The following TOR2A variants were observed in gnomAD, a reference collection of about 807,000 sequenced individuals.
TOR2A encodes the protein torsin family 2 member A, also known as prosalusin.
In TOR2A, 24 loss-of-function variants were observed where a neutral mutation model predicts 28.6. The ratio of observed to expected loss-of-function variants is 0.84; its 90% confidence interval spans 0.61 to 1.18. The LOEUF is 1.18. TOR2A is among the 50% of genes most tolerant of loss of function. The pLI, the probability that TOR2A is intolerant of heterozygous loss-of-function variation, is 0.00. For missense variants in TOR2A, 426 were observed against 448.1 expected (o/e 0.95, Z 0.45); for synonymous variants, 203 against 203.1 (o/e 1.00, Z 0.00).
At chr9:127,733,274 C>T (rs1844540703) in intron 3 of TOR2A, 111 bp downstream of exon 3, 4 of 1,613,164 alleles carry the variant, frequency 2.5e-6, no homozygotes, top group Non-Finnish European at 3.4e-6. Flanking sequence ...TGGGAAAGCC[C>T]AGCTAAGCCC....
chr9:127,735,033 G>C (rs1844628175), intron 1 of TOR2A, 87 bp downstream of exon 1: 1 of 1,352,488 alleles, frequency 7.4e-7, no homozygotes, highest in Non-Finnish European at 9.5e-7. Flanking sequence ...TTCTCTGGCC[G>C]GCGCCAGCCG....
chr9:127,733,052 TGA>T, intron 3 of TOR2A: 1 of 1,429,326 alleles, frequency 7.0e-7, no homozygotes, highest in Non-Finnish European at 9.1e-7. Context: ...GCGAGGATTC[TGA>T]GAGCTGGGAC....
intron 3 of TOR2A, chr9:127,733,078 C>G: frequency 1.4e-6 from 2 of 1,468,984 alleles, no homozygotes; most frequent in South Asian, 1.4e-5. Context: ...AGGACAAGAA[C>G]TCTGTTCCTA....
At chr9:127,733,202 T>C (rs764968165) in intron 3 of TOR2A, 183 bp downstream of exon 3, 2 of 1,588,602 alleles carry the variant, frequency 1.3e-6, no homozygotes, top group African/African-American at 2.7e-5. Context: ...TTGCTGAGAA[T>C]GTCCAAAGGG....
In TOR2A at chr9:127,732,205, C is replaced by G; in HGVS notation, c.795G>C (p.Arg265=). ...TGAGCACGCAGTGCCGGACGTGGTG[C>G]CGCTGGAGCGGGAGGAAGGGCACCA... ...DAVVPFLPLQ[R]HHVRHCVLNE... Residue 265 remains arginine (R), a synonymous_variant, in exon 5 of 5, where the codon CGG becomes CGC. Coordinates refer to ENST00000373284, the MANE Select transcript of TOR2A (RefSeq NM_001085347.3). 1 of 1,612,180 alleles carries G rather than the reference C, an allele frequency of 6.2e-7. No homozygotes were observed. Among genetic ancestry groups the G allele is most frequent in the South Asian group, 1.1e-5 (1 of 91,018 alleles).
Position 127,734,546 on chromosome 9 carries a change from G to T in TOR2A, c.170C>A (p.Ala57Asp), listed in dbSNP as rs1294675201. ...CAGATGCTGGCCGGCCAGGTGCTGA[G>T]CCAGGTCACACTCCAGACCTAGGGC... is the stretch of plus-strand genomic sequence containing the variant. Reference protein sequence around the residue: ...PDLPGLECDLAQHLAGQHLAK... With the variant: ...PDLPGLECDLDQHLAGQHLAK... The change falls in exon 2 of 5, where the codon GCT becomes GAT. Residue 57 changes from alanine (A) to aspartate (D), a missense_variant. Coordinates refer to ENST00000373284, the MANE Select transcript of TOR2A (RefSeq NM_001085347.3). The T allele has an allele frequency of 6.5e-7, 1 of 1,527,910 alleles. No individual in the cohort carries two copies. Among genetic ancestry groups the T allele is most frequent in the Non-Finnish European group, 8.8e-7 (1 of 1,137,660 alleles). 94.6% of individuals were successfully genotyped at this position (1,527,910 alleles called of 1,614,324 possible).
At chr9:127,732,386 C>T in intron 4 of TOR2A, 108 bp from the exon 5 acceptor site, 2 of 1,471,560 alleles carry the variant, frequency 1.4e-6, no homozygotes, top group Non-Finnish European at 1.8e-6. Context: ...GTTCCCTCAG[C>T]CGCCTTCTGG....
chr9:127,734,592 A>C, intron 1 of TOR2A, 28 bp from the exon 2 acceptor site: 1 of 1,474,350 alleles, frequency 6.8e-7, no homozygotes, highest in Non-Finnish European at 9.0e-7. Flanking sequence ...TGGTGAGGAC[A>C]CATCCCACCG....
At position 127,735,158 on chromosome 9, in the gene TOR2A, C is replaced by T; in HGVS notation, c.113G>A (p.Gly38Asp). The stretch of plus-strand genomic sequence containing the variant: ...CCGGAAGTCGCATTCGCAAAAGGCG[C>T]CCAAGGTGCAGCGCAGGGAAGCCAG... ...WDLASLRCTL[G>D]AFCECDFRPD... is the part of the protein sequence containing the mutation. The change falls in exon 1 of 5, where the codon GGC becomes GAC. Residue 38 changes from glycine to aspartate, a missense_variant. Physicochemically the swap from Gly to Asp is moderately conservative, Grantham distance 94 (BLOSUM62 -1). Coordinates refer to ENST00000373284, the MANE Select transcript of TOR2A (RefSeq NM_001085347.3). The T allele has an allele frequency of 3.4e-6, 5 of 1,486,696 alleles. No individual in the cohort carries two copies. Among genetic ancestry groups the T allele is most frequent in the Non-Finnish European group, 4.4e-6 (5 of 1,126,308 alleles). The allele number at this position is 1,486,696 out of a possible 1,614,324, so 92.1% of individuals were successfully genotyped here.
At chr9:127,733,991 C>G (rs1844579395) in intron 2 of TOR2A, 4 of 428,324 alleles carry the variant, frequency 9.3e-6, no homozygotes, top group Non-Finnish European at 1.2e-5. Context: ...TCCAGCAAGA[C>G]AACAGTGCAG....
chr9:127,732,836 C>T (rs1214632740), intron 3 of TOR2A, 145 bp from the exon 4 acceptor site: 3 of 1,441,908 alleles, frequency 2.1e-6, no homozygotes, highest in Non-Finnish European at 2.7e-6. Context: ...CTCCACTTCC[C>T]CCTCCATGGT....
At chr9:127,734,990 C>G (rs889297685) in intron 1 of TOR2A, 130 bp downstream of exon 1, 17 of 1,284,282 alleles carry the variant, frequency 1.3e-5, no homozygotes, top group Non-Finnish European at 1.7e-5. Flanking sequence ...TCTGCGGGCC[C>G]CGCCCCTCGG....
At chr9:127,732,358 G>A in intron 4 of TOR2A, 80 bp from the exon 5 acceptor site, 4 of 1,500,418 alleles carry the variant, frequency 2.7e-6, no homozygotes, top group Non-Finnish European at 3.6e-6. Context: ...AGGGGCAGGA[G>A]GAAAAATGCT....
rs1009780027 is a variant in TOR2A, at chr9:127,731,776, G to A, written c.*258C>T. 1.4e-6 allele frequency: 1 copy of A among 728,478 alleles called. No individual in the cohort carries two copies. The highest frequency in any genetic ancestry group is 2.1e-6 in the Non-Finnish European group (1 of 474,140). 45.1% of individuals were successfully genotyped at this position (728,478 alleles called of 1,614,324 possible). A position where few individuals can be genotyped will look rare whatever the true frequency, so the allele number is the denominator to read the frequency against. Reference sequence around the variant, plus strand: ...CACAGTCCCTGAGTTATAATTCACAGTAAGAAGGCTCAGGCTGCAGGGGGA... The same window carrying A: ...CACAGTCCCTGAGTTATAATTCACAATAAGAAGGCTCAGGCTGCAGGGGGA... On this transcript the variant is annotated 3_prime_UTR_variant, in exon 5 of 5. Coordinates refer to ENST00000373284, the MANE Select transcript of TOR2A (RefSeq NM_001085347.3).
At position 127,732,254 on chromosome 9, in the gene TOR2A, A is replaced by G. The variant is rs756956124; in HGVS notation, c.746T>C (p.Met249Thr). The change falls in exon 5 of 5, where the codon ATG becomes ACG. Residue 249 changes from methionine (M) to threonine (T), a missense_variant. Physicochemically the swap from Met to Thr is moderately conservative, Grantham distance 81. Transcript: ENST00000373284. The part of the protein sequence containing the change: ...PHHGFSNSGI[M>T]EERLLDAVVP... ...CACTGCGTCTAGGAGGCGCTCTTCC[A>G]TGATGCCCGAGTTTGAGAAGCCATC... The G allele has an allele frequency of 1.3e-6, 2 of 1,587,838 alleles. No individual in the cohort carries two copies. The highest frequency in any genetic ancestry group is 2.3e-5 in the East Asian group (1 of 44,370).
chr9:127,733,073 A>G (rs1564401599), intron 3 of TOR2A: 1 of 1,460,802 alleles, frequency 6.8e-7, no homozygotes, highest in Non-Finnish European at 9.0e-7. Context: ...ACTAAAGGAC[A>G]AGAACTCTGT....
In TOR2A at chr9:127,734,453, A is replaced by G. The variant is rs898162178; in HGVS notation, c.263T>C (p.Val88Ala). The change falls in exon 2 of 5, where the codon GTC becomes GCC. Residue 88 changes from valine (V) to alanine (A), a missense_variant. Physicochemically the swap from Val to Ala is moderately conservative, Grantham distance 64 (BLOSUM62 0). Transcript: ENST00000373284. ...GCCGGTCCAGCCGTGCAGGGAGAGG[A>G]CCAGCGGCTTGGTGGGGGCTGGGTC... The part of the protein sequence containing the change: ...VRDPAPTKPL[V>A]LSLHGWTGTG... The G allele has an allele frequency of 1.2e-6, 2 of 1,609,780 alleles. No individual in the cohort carries two copies. The highest frequency in any genetic ancestry group is 2.7e-5 in the African/African-American group (2 of 74,790).
Position 127,735,176 on chromosome 9 carries a change from G to A in TOR2A, c.95C>T (p.Ser32Phe). The stretch of plus-strand genomic sequence containing the variant: ...AAAGGCGCCCAAGGTGCAGCGCAGG[G>A]AAGCCAGGTCCCAGGCGGCGGCCGC... ...SAAAAAWDLA[S>F]LRCTLGAFCE... The change falls in exon 1 of 5, where the codon TCC becomes TTC. Residue 32 changes from serine (S) to phenylalanine (F), a missense_variant. Ser to Phe is a radical substitution (Grantham distance 155, BLOSUM62 -2). Coordinates refer to ENST00000373284, the MANE Select transcript of TOR2A (RefSeq NM_001085347.3). The A allele has an allele frequency of 6.7e-7, 1 of 1,486,126 alleles. No individual in the cohort carries two copies. The highest frequency in any genetic ancestry group is 8.9e-7 in the Non-Finnish European group (1 of 1,126,524). The allele number at this position is 1,486,126 out of a possible 1,614,324, so 92.1% of individuals were successfully genotyped here. A position where few individuals can be genotyped will look rare whatever the true frequency, so the allele number is the denominator to read the frequency against.
chr9:127,735,017 C>T (rs1027677126), intron 1 of TOR2A, 103 bp downstream of exon 1: 3 of 1,333,658 alleles, frequency 2.2e-6, no homozygotes, highest in East Asian at 3.1e-5. Flanking sequence ...CCTCTGGGTC[C>T]TCAGCTTCTC....
Sources: gnomAD v4.1 joint callset for allele counts on GRCh38, gnomAD v4.1.1 for gene constraint, MANE v1.5 for transcripts, NCBI Gene and HGNC (gene_info 2026-07-23, HGNC 2026-07-21) for gene names.